INPP4B: variants seen among roughly 807,000 people sequenced by gnomAD.
INPP4B encodes the protein inositol polyphosphate-4-phosphatase type II B.
A neutral mutation model predicts 122.5 loss-of-function variants in INPP4B; 55 were observed. The observed-to-expected ratio is 0.45, with a 90% CI of 0.36 to 0.56. The LOEUF is 0.56. Among genes scored for constraint, INPP4B ranks in the 20% least tolerant of loss-of-function variants. The pLI is 0.00. For missense variants in INPP4B, 1,000 were observed against 1,097.7 expected (o/e 0.91, Z 1.26); for synonymous variants, 403 against 388.7 (o/e 1.04, Z -0.43).
intron 25 of INPP4B, among the ~76,000 whole-genome samples, chr4:142,079,238 G>A (rs189877402): frequency 2.8e-4 from 42 of 152,034 alleles, no homozygotes; most frequent in African/African-American, 9.4e-4. Context: ...CAGTGTAAAC[G>A]TCACCTGAAT....
intron 1 of INPP4B, among the ~76,000 whole-genome samples, chr4:142,751,548 A>G (rs925500720): frequency 2.0e-5 from 3 of 152,150 alleles, no homozygotes; most frequent in African/African-American, 7.2e-5. Context: ...TTCAAGAAGC[A>G]GTAACACTCT....
intron 1 of INPP4B, among the ~76,000 whole-genome samples, chr4:142,734,565 C>T (rs532086261): frequency 1.4e-3 from 220 of 152,224 alleles, no homozygotes; most frequent in Non-Finnish European, 2.6e-3. Context: ...ACTTTTCCTT[C>T]GATACACTTT....
chr4:142,191,542 G>A (rs1369494006), intron 15 of INPP4B, among the ~76,000 whole-genome samples: 1 of 152,130 alleles, frequency 6.6e-6, no homozygotes, highest in Non-Finnish European at 1.5e-5. Context: ...GGGGCCTATG[G>A]TTTGAATTAA....
At chr4:142,754,871 T>A (rs1358105716) in intron 1 of INPP4B, among the ~76,000 whole-genome samples, 1 of 152,018 alleles carries the variant, frequency 6.6e-6, no homozygotes, top group African/African-American at 2.4e-5. Context: ...TGAGAGGAGC[T>A]AGCAGGCCCA....
intron 2 of INPP4B, among the ~76,000 whole-genome samples, chr4:142,595,952 C>T (rs1249104513): frequency 6.6e-6 from 1 of 151,972 alleles, no homozygotes; most frequent in Non-Finnish European, 1.5e-5. Context: ...GGGCTCAAGC[C>T]ATCCTCCCAC....
intron 7 of INPP4B, among the ~76,000 whole-genome samples, chr4:142,360,636 A>G (rs1457207611): frequency 6.6e-6 from 1 of 151,932 alleles, no homozygotes; most frequent in African/African-American, 2.4e-5. Flanking sequence ...TGTAATATCT[A>G]TATTAATTCT....
chr4:142,215,664 C>T (rs557581494), intron 12 of INPP4B, among the ~76,000 whole-genome samples: 51 of 151,822 alleles, frequency 3.4e-4, no homozygotes, highest in African/African-American at 9.2e-4. Context: ...GAGGCCGAGG[C>T]GGGCAGATCA....
At chr4:142,083,953 T>C (rs1004730406) in intron 24 of INPP4B, among the ~76,000 whole-genome samples, 4 of 152,298 alleles carry the variant, frequency 2.6e-5, no homozygotes, top group African/African-American at 9.6e-5. Flanking sequence ...GTTCTAAATT[T>C]AAAGTCTAGT....
At chr4:142,735,924 A>AACACACACACACACAC (rs33993491) in intron 1 of INPP4B, among the ~76,000 whole-genome samples, 1 of 142,630 alleles carries the variant, frequency 7.0e-6, no homozygotes, top group Non-Finnish European at 1.5e-5. Context: ...TATACATTGC[A>AACACACACACACACAC]ACACACACAC....
intron 2 of INPP4B, among the ~76,000 whole-genome samples, chr4:142,572,841 G>T (rs1322939363): frequency 2.0e-5 from 3 of 151,048 alleles, no homozygotes; most frequent in Non-Finnish European, 2.9e-5. Context: ...CATTAAATAG[G>T]TACTCAATAG....
intron 1 of INPP4B, among the ~76,000 whole-genome samples, chr4:142,798,421 G>A (rs1222605355): frequency 6.6e-6 from 1 of 151,818 alleles, no homozygotes; most frequent in Non-Finnish European, 1.5e-5. Flanking sequence ...TATGGTTTCA[G>A]AACAGAATGT....
At chr4:142,191,514 T>C (rs1835816942) in intron 15 of INPP4B, among the ~76,000 whole-genome samples, 1 of 152,184 alleles carries the variant, frequency 6.6e-6, no homozygotes, top group African/African-American at 2.4e-5. Flanking sequence ...TCAGTAGGGA[T>C]GGCATCCCTT....
intron 17 of INPP4B, among the ~76,000 whole-genome samples, chr4:142,153,753 A>C (rs900959312): frequency 2.0e-5 from 3 of 152,180 alleles, no homozygotes; most frequent in Non-Finnish European, 4.4e-5. Context: ...AAAGACATTG[A>C]GCTAGGATGT....
intron 2 of INPP4B, among the ~76,000 whole-genome samples, chr4:142,649,806 A>G (rs1560918059): frequency 6.6e-6 from 1 of 152,272 alleles, no homozygotes; most frequent in African/African-American, 2.4e-5. Flanking sequence ...GATATTATCC[A>G]GGACAACTTC....
intron 8 of INPP4B, among the ~76,000 whole-genome samples, chr4:142,313,524 G>T (rs1486351641): frequency 6.6e-6 from 1 of 152,194 alleles, no homozygotes; most frequent in African/African-American, 2.4e-5. Flanking sequence ...CTGAGCTGTG[G>T]AAGGGAGCCC....
chr4:142,742,398 C>G (rs1203937226), intron 1 of INPP4B, among the ~76,000 whole-genome samples: 1 of 151,866 alleles, frequency 6.6e-6, no homozygotes, highest in Non-Finnish European at 1.5e-5. Flanking sequence ...TTTCATTTTT[C>G]TGATTCCAAC....
At chr4:142,840,236 A>T (rs1054096154) in intron 1 of INPP4B, among the ~76,000 whole-genome samples, 1 of 152,106 alleles carries the variant, frequency 6.6e-6, no homozygotes, top group Non-Finnish European at 1.5e-5. Flanking sequence ...GGTAATTTGC[A>T]CTTTTTTTGC....
chr4:142,148,538 TCAAGTCGCGTTGCATG>T (rs745921841), intron 17 of INPP4B, among the ~76,000 whole-genome samples: 121 of 152,310 alleles, frequency 7.9e-4, no homozygotes, highest in South Asian at 2.5e-3. Flanking sequence ...TGATCAAAGA[TCAAGTCGCGTTGCATG>T]TTGCTTTTCT....
chr4:142,659,174 C>G (rs1251230510), intron 2 of INPP4B, among the ~76,000 whole-genome samples: 1 of 151,118 alleles, frequency 6.6e-6, no homozygotes, highest in Admixed American at 6.6e-5. Context: ...CCGAGGCGGG[C>G]AGATCACCAG....
Sources: allele counts gnomAD v4.1 joint callset (sites outside exome capture counted in the v4.1 genomes callset), GRCh38; gene constraint gnomAD v4.1.1; transcripts MANE v1.5; gene names NCBI Gene and HGNC (gene_info 2026-07-23, HGNC 2026-07-21).